Variants in SUPT20H observed in about 807,000 individuals in gnomAD.
SUPT20H encodes SPT20 homolog, SAGA complex component, also known as transcription factor SPT20 homolog.
SUPT20H carries 82 observed loss-of-function variants against 122.8 expected under a neutral mutation model. The observed-to-expected ratio is 0.67, with a 90% CI of 0.56 to 0.80. SUPT20H has a LOEUF of 0.80. SUPT20H is among the 30% of genes least tolerant of loss of function. The probability of loss-of-function intolerance (pLI) is 0.00; values close to 1 mark genes in which losing one functional copy is unlikely to be tolerated. For missense variants in SUPT20H, 831 were observed against 921.6 expected (o/e 0.90, Z 1.27); for synonymous variants, 291 against 313.0 (o/e 0.93, Z 0.74).
chr13:37,048,724 A>G, intron 2 of SUPT20H, 125 bp from the exon 3 acceptor site: 2 of 688,300 alleles, frequency 2.9e-6, no homozygotes, highest in Non-Finnish European at 4.6e-6. Context: ...TGTCTCCTCC[A>G]CTCCACTCTA....
intron 13 of SUPT20H, 78 bp downstream of exon 13, chr13:37,029,687 G>A (rs2062959885): frequency 1.6e-6 from 2 of 1,254,062 alleles, no homozygotes; most frequent in African/African-American, 1.5e-5. Context: ...AATGGCAATT[G>A]CACTTTATGT....
rs1212419341 is a variant in SUPT20H, at chr13:37,055,504, C to T, written c.-93-3921G>A. Among the ~76,000 whole-genome samples the T allele has an allele frequency of 2.0e-5, 3 of 152,284 alleles. No individual in the cohort carries two copies. In the East Asian group the frequency reaches 5.8e-4, roughly 29 times the overall value. ...TGATCTTTGACAAACCTGACCAAAA[C>T]AAGCAATGGGGAAAGGATTCCCTAT... On this transcript the variant is annotated intron_variant, in intron 1 of 25. Coordinates refer to ENST00000350612, the MANE Select transcript of SUPT20H (RefSeq NM_001014286.3).
intron 19 of SUPT20H, chr13:37,023,443 TA>T (rs2061688914): frequency 2.0e-5 from 3 of 152,614 alleles, no homozygotes; most frequent in African/African-American, 2.4e-5. Flanking sequence ...TTCTTGATGT[TA>T]AAAAAAAGTA....
intron 20 of SUPT20H, 107 bp downstream of exon 20, chr13:37,021,904 A>G: frequency 7.6e-7 from 1 of 1,309,046 alleles, no homozygotes; most frequent in South Asian, 1.5e-5. Flanking sequence ...ATTCCTTTTC[A>G]GTCTGAGTAA....
In SUPT20H at chr13:37,012,090, C is replaced by T. The variant is rs1225682176; in HGVS notation, c.2098+102G>A. 49 of 863,408 alleles carry T rather than the reference C, an allele frequency of 5.7e-5. No homozygotes were observed. In the East Asian group the frequency reaches 1.2e-3, roughly 20 times the overall value. 53.5% of individuals were successfully genotyped at this position (863,408 alleles called of 1,614,324 possible). A position where few individuals can be genotyped will look rare whatever the true frequency, so the allele number is the denominator to read the frequency against. ...TTATAGCTTTACTTTTTCCTGTTTA[C>T]TGGTTGCAAGGGAAGGAAAAGAAAA... On this transcript the variant is annotated intron_variant, in intron 24 of 25. Coordinates refer to ENST00000350612, the MANE Select transcript of SUPT20H (RefSeq NM_001014286.3).
chr13:37,042,700 G>A (rs1026730756), intron 7 of SUPT20H, among the ~76,000 whole-genome samples: 50 of 152,268 alleles, frequency 3.3e-4, no homozygotes, highest in African/African-American at 1.2e-3. Flanking sequence ...AGCCTCTGCA[G>A]AACGATGTCA....
intron 23 of SUPT20H, chr13:37,012,570 C>T (rs2059791450): frequency 4.5e-6 from 1 of 223,896 alleles, no homozygotes. Flanking sequence ...TTCACTGAAA[C>T]AATTTTTTAA....
At position 37,010,558 on chromosome 13, in the gene SUPT20H, CTG is replaced by C. The variant is rs2059420389; in HGVS notation, c.2194_2195del (p.Gln732AspfsTer36). ...AGTGAAGTTGCTGGATTACTTGTATCTGTTGCTGCTGCTGTTGAAAGGCAGAG... is the reference window on the plus strand; with the variant it reads ...AGTGAAGTTGCTGGATTACTTGTATCTTGCTGCTGCTGTTGAAAGGCAGAG... ...LSSAFQQQQQ[Q>X]IQQLRFLQHQ... On this transcript the variant is annotated frameshift_variant, in exon 25 of 26. Coordinates refer to ENST00000350612, the MANE Select transcript of SUPT20H (RefSeq NM_001014286.3). LOFTEE classifies it high-confidence loss of function. 1.2e-6 allele frequency: 2 copies of C among 1,613,464 alleles called. No homozygotes were observed. The highest frequency in any genetic ancestry group is 1.7e-6 in the Non-Finnish European group (2 of 1,179,712).
At chr13:37,048,038 C>CACTTA (rs1157212648) in intron 3 of SUPT20H, 102 bp from the exon 4 acceptor site, 2 of 714,954 alleles carry the variant, frequency 2.8e-6, no homozygotes, top group Non-Finnish European at 4.3e-6. Flanking sequence ...AAAGGCTATT[C>CACTTA]ACTTAACTCT....
chr13:37,050,638 T>C (rs1383342227), intron 2 of SUPT20H, among the ~76,000 whole-genome samples: 1 of 152,208 alleles, frequency 6.6e-6, no homozygotes, highest in Non-Finnish European at 1.5e-5. Flanking sequence ...AAATTAAAAC[T>C]TCAAAGGGTC....
chr13:37,045,193 C>T (rs544299010), intron 6 of SUPT20H, 54 bp downstream of exon 6: 1 of 1,602,716 alleles, frequency 6.2e-7, no homozygotes, highest in South Asian at 1.1e-5. Flanking sequence ...AAAAAAACCG[C>T]ACATCCTGCC....
chr13:37,052,226 C>G (rs2067893158), intron 1 of SUPT20H, among the ~76,000 whole-genome samples: 1 of 152,142 alleles, frequency 6.6e-6, no homozygotes, highest in Non-Finnish European at 1.5e-5. Context: ...ATAGCCAAGA[C>G]AATCCTAAGC....
intron 11 of SUPT20H, 51 bp downstream of exon 11, chr13:37,031,688 T>C (rs2063365097): frequency 1.3e-6 from 2 of 1,547,362 alleles, no homozygotes; most frequent in Non-Finnish European, 1.7e-6. Context: ...AAATGCTAAA[T>C]AAGACAGGCT....
At chr13:37,013,745 C>T (rs2059978013) in intron 23 of SUPT20H, 1 of 151,960 alleles carries the variant, frequency 6.6e-6, no homozygotes, top group African/African-American at 2.4e-5. Flanking sequence ...CCAAACATTT[C>T]AAAAGTTACA....
chr13:37,039,156 C>T (rs2065026727), intron 9 of SUPT20H: 2 of 152,140 alleles, frequency 1.3e-5, no homozygotes, highest in African/African-American at 4.8e-5. Context: ...ATTGCCAACA[C>T]TATAGGCCTC....
chr13:37,028,939 T>G (rs1312710410), intron 13 of SUPT20H, among the ~76,000 whole-genome samples: 2 of 151,092 alleles, frequency 1.3e-5, no homozygotes, highest in Admixed American at 1.3e-4. Context: ...ATATATGAAT[T>G]GCAAATATTA....
At chr13:37,030,464 T>G (rs2063101850) in intron 12 of SUPT20H, among the ~76,000 whole-genome samples, 1 of 152,148 alleles carries the variant, frequency 6.6e-6, no homozygotes, top group South Asian at 2.1e-4. Flanking sequence ...CCCTTAGAAA[T>G]CCTAAGTAAG....
chr13:37,018,284 T>C (rs970265114), intron 22 of SUPT20H, among the ~76,000 whole-genome samples: 2 of 152,212 alleles, frequency 1.3e-5, no homozygotes, highest in African/African-American at 4.8e-5. Context: ...TCCATTCCTG[T>C]TAACACTGAG....
rs1422703912 is a variant in SUPT20H at position 37,033,608 on chromosome 13, A to G, written c.568-20T>C. 6.2e-7 allele frequency: 1 copy of G among 1,609,654 alleles called. No individual in the cohort carries two copies. Among genetic ancestry groups the G allele is most frequent in the Non-Finnish European group, 8.5e-7 (1 of 1,178,032 alleles). On this transcript the variant is annotated intron_variant, in intron 9 of 25. Coordinates refer to ENST00000350612, the MANE Select transcript of SUPT20H (RefSeq NM_001014286.3). The stretch of plus-strand genomic sequence containing the variant: ...GTCTTCCTGAAATGTGTAAGAGCAT[A>G]TGTCAATACCAGATTTAAGATTTTC...
Sources: gnomAD v4.1 joint callset for allele counts (sites outside exome capture counted in the v4.1 genomes callset) on GRCh38, gnomAD v4.1.1 for gene constraint, MANE v1.5 for transcripts, NCBI Gene and HGNC (gene_info 2026-07-23, HGNC 2026-07-21) for gene names.